CLCA1: variants seen among roughly 807,000 people sequenced by gnomAD.
The protein encoded by CLCA1 is chloride channel accessory 1, also known as calcium-activated chloride channel regulator 1.
A neutral mutation model predicts 85.6 loss-of-function variants in CLCA1; 59 were observed. The observed-to-expected ratio is 0.69, with a 90% CI of 0.56 to 0.86. The LOEUF is 0.86. Among genes scored for constraint, CLCA1 ranks in the 40% least tolerant of loss-of-function variants. CLCA1 has a pLI of 0.00. For synonymous variants in CLCA1, 396 were observed against 398.3 expected (o/e 0.99, Z 0.07); for missense variants, 1,022 against 1,101.4 (o/e 0.93, Z 1.02).
At chr1:86,483,747 T>C (rs1229270871) in intron 5 of CLCA1, among the ~76,000 whole-genome samples, 2 of 152,232 alleles carry the variant, frequency 1.3e-5, no homozygotes, top group African/African-American at 2.4e-5. Flanking sequence ...ATTGAGTTTT[T>C]GTTATGTGTC....
chr1:86,489,922 C>T (rs982886151), intron 8 of CLCA1, among the ~76,000 whole-genome samples: 2 of 152,068 alleles, frequency 1.3e-5, no homozygotes, highest in African/African-American at 4.8e-5. Context: ...AGAAGCAGAG[C>T]CTGAGACAGG....
In CLCA1 at chr1:86,478,529, A is replaced by G. The variant is rs5744335; in HGVS notation, c.557+1976A>G. ...CTTCGGCCTGTACACTCTGCACTAC[A>G]TGGACCACAGCACAGAGGGGCTTCT... On this transcript the variant is annotated intron_variant, in intron 4 of 13. Coordinates refer to ENST00000394711, the MANE Select transcript of CLCA1 (RefSeq NM_001285.4). Among the ~76,000 whole-genome samples the G allele has an allele frequency of 6.3e-3, 955 of 152,240 alleles. 6 individuals carry two copies. The highest frequency in any genetic ancestry group is 0.027 in the Middle Eastern group (8 of 294).
rs1648410253 is a variant in CLCA1 at position 86,499,884 on chromosome 1, G to A, written c.2584G>A (p.Val862Ile). The change falls in exon 14 of 14, where the codon GTA becomes ATA. Residue 862 changes from valine (V) to isoleucine (I), a missense_variant. Transcript: ENST00000394711. ...ATCAGAAATATCCAACATTGCACGA[G>A]TATCTTTGTTTATTCCTCCACAGAC... ...LKSEISNIARVSLFIPPQTPP... is the reference protein window; with the variant it reads ...LKSEISNIARISLFIPPQTPP... 1 of 1,614,040 alleles carries A rather than the reference G, an allele frequency of 6.2e-7. No individual in the cohort carries two copies. Among genetic ancestry groups the A allele is most frequent in the South Asian group, 1.1e-5 (1 of 91,082 alleles).
chr1:86,499,632 C>T, intron 13 of CLCA1, 22 bp from the exon 14 acceptor site: 3 of 1,456,788 alleles, frequency 2.1e-6, no homozygotes, highest in Non-Finnish European at 2.8e-6. Context: ...ATTAAAGTCA[C>T]ATTCTTCTTT....
chr1:86,471,075 C>T (rs1558131224), intron 1 of CLCA1, among the ~76,000 whole-genome samples: 3 of 152,172 alleles, frequency 2.0e-5, no homozygotes, highest in Non-Finnish European at 4.4e-5. Context: ...TATACATACA[C>T]ACACACCACA....
chr1:86,482,486 T>C (rs2791514), intron 5 of CLCA1, 104 bp downstream of exon 5: 135,096 of 1,094,474 alleles, frequency 0.12, 8,879 homozygotes, highest in Middle Eastern at 0.2. Context: ...AAATCATCAG[T>C]GAGCAGTGGA....
chr1:86,477,012 C>A (rs1647692278), intron 4 of CLCA1, among the ~76,000 whole-genome samples: 1 of 152,238 alleles, frequency 6.6e-6, no homozygotes. Context: ...CGGGCTCAAG[C>A]AATCCTCCCA....
chr1:86,494,810 T>A (rs1648231529), intron 11 of CLCA1, among the ~76,000 whole-genome samples: 1 of 152,216 alleles, frequency 6.6e-6, no homozygotes, highest in Non-Finnish European at 1.5e-5. Context: ...TGTGTGTGTG[T>A]ATACACAAAT....
chr1:86,482,357 T>TA lies in CLCA1; in HGVS notation c.712dup (p.Met238AsnfsTer7). 6.2e-7 allele frequency: 1 copy of TA among 1,614,084 alleles called. No individual in the cohort carries two copies. The highest frequency in any genetic ancestry group is 8.5e-7 in the Non-Finnish European group (1 of 1,179,960). Reference sequence around the variant, plus strand: ...TCCCGCCAGACGGAGAAGGCTTCTATAATGTTTGCACAACATGTTGATTCT... The same window carrying TA: ...TCCCGCCAGACGGAGAAGGCTTCTATAAATGTTTGCACAACATGTTGATTCT... On this transcript the variant is annotated frameshift_variant, in exon 5 of 14. Transcript: ENST00000394711. LOFTEE classifies it high-confidence loss of function.
intron 1 of CLCA1, among the ~76,000 whole-genome samples, chr1:86,473,045 A>G (rs1212045154): frequency 6.6e-6 from 1 of 152,222 alleles, no homozygotes; most frequent in Non-Finnish European, 1.5e-5. Context: ...TGTTCCTAGC[A>G]CATCATATGT....
rs1266271742 is a variant in CLCA1 at position 86,489,266 on chromosome 1, A to C, written c.1357+96A>C. ...AGTGGGGGAAAGATGGGATGGAGAGAGATAGGATAACCTAATTGGCTAACT... is the reference window on the plus strand; with the variant it reads ...AGTGGGGGAAAGATGGGATGGAGAGCGATAGGATAACCTAATTGGCTAACT... On this transcript the variant is annotated intron_variant, in intron 8 of 13. Coordinates refer to ENST00000394711, the MANE Select transcript of CLCA1 (RefSeq NM_001285.4). The C allele has an allele frequency of 3.3e-6, 4 of 1,206,974 alleles. No homozygotes were observed. The African/African-American group carries it at 4.6e-5, about 14-fold the overall frequency. 74.8% of individuals were successfully genotyped at this position (1,206,974 alleles called of 1,614,324 possible).
intron 8 of CLCA1, among the ~76,000 whole-genome samples, chr1:86,490,357 A>G (rs5744384): frequency 0.026 from 4,020 of 152,348 alleles, 75 homozygotes; most frequent in Middle Eastern, 0.061. Context: ...AGATGGAATT[A>G]TAATAGTTAA....
At chr1:86,497,363 G>A (rs538084341) in intron 12 of CLCA1, among the ~76,000 whole-genome samples, 57 of 152,206 alleles carry the variant, frequency 3.7e-4, no homozygotes, top group African/African-American at 1.3e-3. Context: ...AAGATTAAAC[G>A]GTCTTTAACA....
intron 5 of CLCA1, among the ~76,000 whole-genome samples, chr1:86,484,642 AG>A (rs1220375752): frequency 6.6e-6 from 1 of 152,202 alleles, no homozygotes; most frequent in African/African-American, 2.4e-5. Context: ...CAATCGTCTG[AG>A]GGAGGGACTG....
intron 5 of CLCA1, among the ~76,000 whole-genome samples, chr1:86,483,550 G>T (rs1455271586): frequency 1.3e-5 from 2 of 151,992 alleles, no homozygotes; most frequent in African/African-American, 4.8e-5. Flanking sequence ...ACAGGCGAGA[G>T]ATATAAATAC....
intron 12 of CLCA1, among the ~76,000 whole-genome samples, chr1:86,498,155 A>AAGGAAGGAAGG (rs1648347580): frequency 7.9e-6 from 1 of 125,950 alleles, no homozygotes; most frequent in South Asian, 2.8e-4. Flanking sequence ...AAAAACAAAG[A>AAGGAAGGAAGG]AAGGAAGGAA....
intron 4 of CLCA1, 29 bp from the exon 5 acceptor site, chr1:86,482,176 C>T (rs749457443): frequency 7.0e-6 from 11 of 1,575,890 alleles, no homozygotes; most frequent in Non-Finnish European, 9.6e-6. Context: ...ACGACATCAC[C>T]TAAACATCTA....
chr1:86,491,159 A>G (rs988298605), intron 8 of CLCA1, 106 bp from the exon 9 acceptor site: 2 of 685,272 alleles, frequency 2.9e-6, no homozygotes, highest in Admixed American at 2.7e-5. Flanking sequence ...TTATACTTTA[A>G]TAACACAAAG....
chr1:86,482,595 C>T (rs540564728), intron 5 of CLCA1, among the ~76,000 whole-genome samples: 1 of 152,196 alleles, frequency 6.6e-6, no homozygotes, highest in Non-Finnish European at 1.5e-5. Flanking sequence ...CATCATCTCC[C>T]TCCCACTAGT....
Sources: gnomAD v4.1 joint callset for allele counts (sites outside exome capture counted in the v4.1 genomes callset) on GRCh38, gnomAD v4.1.1 for gene constraint, MANE v1.5 for transcripts, NCBI Gene and HGNC (gene_info 2026-07-23, HGNC 2026-07-21) for gene names.